The following ABCG5 variants were observed in gnomAD, a reference collection of about 807,000 sequenced individuals.
The protein encoded by ABCG5 is ATP-binding cassette sub-family G member 5.
ABCG5 carries 64 observed loss-of-function variants against 64.5 expected under a neutral mutation model. The observed-to-expected ratio is 0.99, with a 90% CI of 0.81 to 1.22. The LOEUF is 1.22. Ranked by LOEUF, ABCG5 falls within the 50% of genes most tolerant of loss-of-function variation. The pLI is 0.00. For missense variants in ABCG5, 908 were observed against 829.5 expected (o/e 1.09, Z -1.16); for synonymous variants, 385 against 326.3 (o/e 1.18, Z -1.94).
chr2:43,812,276 T>C (rs1666518084), downstream of ABCG5, among the ~76,000 whole-genome samples: 1 of 151,818 alleles, frequency 6.6e-6, no homozygotes, highest in Non-Finnish European at 1.5e-5. Context: ...CTTAATGGGG[T>C]TATTTCTCAG....
intron 11 of ABCG5, among the ~76,000 whole-genome samples, chr2:43,817,007 C>A (rs1418162654): frequency 6.6e-6 from 1 of 152,132 alleles, no homozygotes; most frequent in Non-Finnish European, 1.5e-5. Flanking sequence ...AGGCAGTTCA[C>A]CCAGAAAGAT....
rs988285114 is a variant in ABCG5 at position 43,838,754 on chromosome 2, C to T, written c.-75G>A. 1.9e-5 allele frequency: 30 copies of T among 1,580,072 alleles called. No individual in the cohort carries two copies. The highest frequency in any genetic ancestry group is 9.1e-5 in the Admixed American group (5 of 55,130). Reference sequence around the variant, plus strand: ...CCAGAGTGGCTTCAGTTGGGGAGCCCGTGGCAGACTGCCCTGCCTGCTCCA... The same window carrying T: ...CCAGAGTGGCTTCAGTTGGGGAGCCTGTGGCAGACTGCCCTGCCTGCTCCA... On this transcript the variant is annotated 5_prime_UTR_variant, in exon 1 of 13. Transcript: ENST00000405322. The surrounding 1 kb of genome is among the most constrained non-coding windows in gnomAD (Gnocchi z 4.2).
Position 43,820,002 on chromosome 2 carries a change from A to G in ABCG5, c.1562T>C (p.Leu521Pro). 6.2e-7 allele frequency: 1 copy of G among 1,614,212 alleles called. No homozygotes were observed. The highest frequency in any genetic ancestry group is 8.5e-7 in the Non-Finnish European group (1 of 1,180,040). ...LIGEFLTLVL[L>P]GIVQNPNIVN... ...TATATTTGGATTTTGGACGATACCA[A>G]GTAGCACAAGAGTTAGAAATTCACC... Residue 521 changes from leucine to proline, a missense_variant, in exon 11 of 13, where the codon CTT (leucine) becomes CCT (proline). By Grantham distance (98) the Leu-to-Pro change is moderately conservative. Coordinates refer to ENST00000405322, the MANE Select transcript of ABCG5 (RefSeq NM_022436.3).
At chr2:43,809,813 A>C, downstream of ABCG5, 1 of 1,566,162 alleles carries the variant, frequency 6.4e-7, no homozygotes, top group Non-Finnish European at 8.7e-7. Flanking sequence ...TCCAAATACA[A>C]ATAAGATTAT....
At chr2:43,822,609 A>C in intron 10 of ABCG5, 188 bp downstream of exon 10, 1 of 985,280 alleles carries the variant, frequency 1.0e-6, no homozygotes. Context: ...GGTCTCCTGC[A>C]ACCCACAGTT....
chr2:43,817,770 T>C (rs149399217), intron 11 of ABCG5, among the ~76,000 whole-genome samples: 5,686 of 151,486 alleles, frequency 0.038, 295 homozygotes, highest in African/African-American at 0.12. Flanking sequence ...ATTAGCCAGG[T>C]GTAATGGCAG....
rs538393765 is a variant in ABCG5 at position 43,814,553 on chromosome 2, G to T, written c.1686C>A (p.Ile562=). 1.2e-5 allele frequency: 19 copies of T among 1,606,958 alleles called. No individual in the cohort carries two copies. In the South Asian group the frequency reaches 1.7e-4, roughly 14 times the overall value. Residue 562 remains isoleucine (I), a synonymous_variant, in exon 12 of 13, where the codon ATC becomes ATA. Transcript: ENST00000405322. ...AATATTTTTGGAATGTAAAATAACTGATGATTTTAAAAGGAATGGGCATTT... is the reference window on the plus strand; with the variant it reads ...AATATTTTTGGAATGTAAAATAACTTATGATTTTAAAAGGAATGGGCATTT... The part of the protein sequence containing the change: ...IQEMPIPFKI[I]SYFTFQKYCS...
chr2:43,831,743 C>T lies in ABCG5; in HGVS notation c.501+26G>A, dbSNP rs748194465. Reference sequence around the variant, plus strand: ...GGGGTGCAAAGGTACTCAGTTTGCCCTCTGTGAGCGGGGGGCTGCACCCAC... The same window carrying T: ...GGGGTGCAAAGGTACTCAGTTTGCCTTCTGTGAGCGGGGGGCTGCACCCAC... On this transcript the variant is annotated intron_variant, in intron 4 of 12. Coordinates refer to ENST00000405322, the MANE Select transcript of ABCG5 (RefSeq NM_022436.3). 4 of 1,556,470 alleles carry T rather than the reference C, an allele frequency of 2.6e-6. No individual in the cohort carries two copies. The East Asian group carries it at 9.3e-5, about 36-fold the overall frequency.
chr2:43,813,320 A>G lies in ABCG5; in HGVS notation c.1763-11T>C. The G allele has an allele frequency of 6.3e-7, 1 of 1,581,200 alleles. No homozygotes were observed. The highest frequency in any genetic ancestry group is 8.7e-7 in the Non-Finnish European group (1 of 1,151,132). ...AAACATTTGAGCTGCCTGTCAAGGA[A>G]AAGATTGACAGTGTCAGGTGTGGTT... is the stretch of plus-strand genomic sequence containing the variant. On this transcript the variant is annotated splice_polypyrimidine_tract_variant and intron_variant, in intron 12 of 12. Coordinates refer to ENST00000405322, the MANE Select transcript of ABCG5 (RefSeq NM_022436.3).
At chr2:43,825,080 C>G (rs951139635) in intron 6 of ABCG5, 62 bp from the exon 7 acceptor site, 3 of 1,594,982 alleles carry the variant, frequency 1.9e-6, no homozygotes, top group Non-Finnish European at 2.6e-6. Flanking sequence ...CTTTGAATGT[C>G]TCTGGGAACA....
chr2:43,836,027 C>G (rs1668240964), intron 2 of ABCG5, among the ~76,000 whole-genome samples: 1 of 152,066 alleles, frequency 6.6e-6, no homozygotes, highest in South Asian at 2.1e-4. Context: ...ACCTCCACCT[C>G]CCAGGTTCAA....
Position 43,818,827 on chromosome 2 carries a change from C to T in ABCG5, c.1649+1088G>A, listed in dbSNP as rs1018790978. ...AATGTGTTTTCATATTGATTATTTC[C>T]GTTCCTTCTCATGATCCCTTGAGGC... On this transcript the variant is annotated intron_variant, in intron 11 of 12. Coordinates refer to ENST00000405322, the MANE Select transcript of ABCG5 (RefSeq NM_022436.3). 2.6e-5 allele frequency among the ~76,000 whole-genome samples: 4 copies of T among 152,108 alleles called. 1 individual carries two copies. The highest frequency in any genetic ancestry group is 1.9e-4 in the East Asian group (1 of 5,198).
At chr2:43,827,522 A>G (rs2104839232) in intron 5 of ABCG5, among the ~76,000 whole-genome samples, 1 of 152,258 alleles carries the variant, frequency 6.6e-6, no homozygotes, top group South Asian at 2.1e-4. Flanking sequence ...CAAACCTGGC[A>G]GAGGACTGAC....
chr2:43,827,895 G>C, intron 5 of ABCG5, 88 bp downstream of exon 5: 1 of 1,579,064 alleles, frequency 6.3e-7, no homozygotes, highest in Non-Finnish European at 8.6e-7. Context: ...CTTTCCAAAT[G>C]AGGACCGTGA....
intron 10 of ABCG5, 81 bp downstream of exon 10, chr2:43,822,716 C>T: frequency 6.8e-7 from 1 of 1,463,854 alleles, no homozygotes; most frequent in Non-Finnish European, 9.1e-7. Context: ...GAACTTCACC[C>T]TGGAGCTCTC....
In ABCG5 at chr2:43,838,498, A is replaced by G. The variant is rs1379420693; in HGVS notation, c.143+39T>C. ...CAGAGGGGTGAGCGCCGGGCCCCGC[A>G]CTCCTGGGGGAGCAGCAGCAGCAAG... On this transcript the variant is annotated intron_variant, in intron 1 of 12. Transcript: ENST00000405322. The surrounding 1 kb of genome is among the most constrained non-coding windows in gnomAD (Gnocchi z 4.2). 3 of 1,566,284 alleles carry G rather than the reference A, an allele frequency of 1.9e-6. No individual in the cohort carries two copies. The highest frequency in any genetic ancestry group is 2.7e-5 in the African/African-American group (2 of 73,932).
chr2:43,829,480 GTT>G (rs1187169795), intron 4 of ABCG5, among the ~76,000 whole-genome samples: 2 of 152,108 alleles, frequency 1.3e-5, no homozygotes, highest in Non-Finnish European at 2.9e-5. Flanking sequence ...CCCTGAAACC[GTT>G]TTTCCTCCTC....
At chr2:43,829,268 G>A (rs1204619448) in intron 4 of ABCG5, among the ~76,000 whole-genome samples, 8 of 152,142 alleles carry the variant, frequency 5.3e-5, no homozygotes, top group Admixed American at 5.2e-4. Context: ...ACCCAAATAA[G>A]TGCTGGGGTC....
rs139218574 is a variant in ABCG5, at chr2:43,818,539, C to T, written c.1649+1376G>A. 4.3e-4 allele frequency among the ~76,000 whole-genome samples: 66 copies of T among 152,304 alleles called. 1 individual carries two copies. The highest frequency in any genetic ancestry group is 1.6e-3 in the African/African-American group (66 of 41,568). ...CGGGGATCATCTGTACATGAAATGG[C>T]ACCAGATTAACTGAAACAATGATTC... On this transcript the variant is annotated intron_variant, in intron 11 of 12. Coordinates refer to ENST00000405322, the MANE Select transcript of ABCG5 (RefSeq NM_022436.3).
Sources: allele counts gnomAD v4.1 joint callset (sites outside exome capture counted in the v4.1 genomes callset), GRCh38; gene constraint gnomAD v4.1.1; non-coding constraint Gnocchi (gnomAD v3.1); transcripts MANE v1.5; gene names NCBI Gene and HGNC (gene_info 2026-07-23, HGNC 2026-07-21).